Variants in EPHA6 observed in about 807,000 individuals in gnomAD.
EPHA6 encodes ephrin type-A receptor 6.
Under a neutral mutation model 112.0 loss-of-function variants are expected in EPHA6, and 50 were observed. The ratio of observed to expected loss-of-function variants is 0.45; its 90% CI spans 0.36 to 0.56. EPHA6 has a LOEUF of 0.56. EPHA6 is among the 20% of genes least tolerant of loss of function. The pLI is 0.00. For synonymous variants in EPHA6, 529 were observed against 490.7 expected, an observed-to-expected ratio of 1.08 and a Z score of -1.03; for missense variants, 1,280 against 1,417.4, an observed-to-expected ratio of 0.90 and a Z score of 1.56.
At chr3:96,983,101 T>C (rs1332108380) in intron 2 of EPHA6, among the ~76,000 whole-genome samples, 5 of 152,176 alleles carry the variant, frequency 3.3e-5, no homozygotes, top group Non-Finnish European at 7.3e-5. Flanking sequence ...CATTATGATG[T>C]TAACTGGTTA....
At chr3:97,516,966 T>C (rs955766387) in intron 10 of EPHA6, among the ~76,000 whole-genome samples, 17 of 152,206 alleles carry the variant, frequency 1.1e-4, no homozygotes, top group African/African-American at 4.1e-4. Context: ...TACTAGGTGC[T>C]GTGGAAACAA....
At chr3:97,228,727 A>G (rs909782964) in intron 4 of EPHA6, among the ~76,000 whole-genome samples, 2 of 152,112 alleles carry the variant, frequency 1.3e-5, no homozygotes, top group African/African-American at 4.8e-5. Flanking sequence ...CTCTGGGTAG[A>G]TAGATACCTA....
intron 7 of EPHA6, among the ~76,000 whole-genome samples, chr3:97,456,279 G>A (rs1317395046): frequency 3.3e-5 from 5 of 151,992 alleles, no homozygotes; most frequent in Non-Finnish European, 5.9e-5. Context: ...TGTGTATGCT[G>A]TGTGAATTTG....
intron 3 of EPHA6, among the ~76,000 whole-genome samples, chr3:97,048,963 T>C (rs1327272308): frequency 6.6e-6 from 1 of 152,154 alleles, no homozygotes; most frequent in Admixed American, 6.6e-5. Context: ...GATATTTAAG[T>C]AAAGACACGA....
At chr3:97,644,601 G>A (rs1257581051) in intron 14 of EPHA6, among the ~76,000 whole-genome samples, 1 of 151,870 alleles carries the variant, frequency 6.6e-6, no homozygotes, top group Non-Finnish European at 1.5e-5. Context: ...AATGATAAAG[G>A]GGATATCACC....
At chr3:97,338,080 T>TTG (rs370620361) in intron 5 of EPHA6, among the ~76,000 whole-genome samples, 23 of 151,816 alleles carry the variant, frequency 1.5e-4, no homozygotes, top group South Asian at 2.1e-4. Flanking sequence ...CAGATAATGG[T>TTG]TGTGTGTGTG....
intron 14 of EPHA6, among the ~76,000 whole-genome samples, chr3:97,719,408 G>T (rs2034412021): frequency 6.6e-6 from 1 of 151,956 alleles, no homozygotes; most frequent in African/African-American, 2.4e-5. Context: ...GTGGCGCTAG[G>T]GCTGCTTTCG....
At chr3:97,234,233 G>C (rs1378096049) in intron 4 of EPHA6, among the ~76,000 whole-genome samples, 1 of 151,928 alleles carries the variant, frequency 6.6e-6, no homozygotes, top group Non-Finnish European at 1.5e-5. Flanking sequence ...GGCCTAGCTG[G>C]TTTTGTTTAT....
At chr3:97,290,839 CTT>C (rs1444770824) in intron 5 of EPHA6, among the ~76,000 whole-genome samples, 1 of 151,260 alleles carries the variant, frequency 6.6e-6, no homozygotes, top group Non-Finnish European at 1.5e-5. Flanking sequence ...AAAAAAATAA[CTT>C]TTTGTTTTGC....
intron 3 of EPHA6, among the ~76,000 whole-genome samples, chr3:97,049,838 G>A (rs529520924): frequency 1.3e-5 from 2 of 152,150 alleles, no homozygotes; most frequent in East Asian, 1.9e-4. Flanking sequence ...TCACCCTTGA[G>A]GGGAGATATT....
chr3:96,938,905 C>A (rs1284016854), intron 2 of EPHA6, among the ~76,000 whole-genome samples: 1 of 152,102 alleles, frequency 6.6e-6, no homozygotes, highest in African/African-American at 2.4e-5. Context: ...TGCTGGATTA[C>A]ATTTATTGAT....
chr3:97,477,633 C>T (rs2091413183), intron 8 of EPHA6, among the ~76,000 whole-genome samples: 1 of 152,082 alleles, frequency 6.6e-6, no homozygotes, highest in Non-Finnish European at 1.5e-5. Flanking sequence ...ATCAAATTGC[C>T]ACTACTTTAG....
chr3:97,503,507 G>T (rs1329889817), intron 10 of EPHA6, among the ~76,000 whole-genome samples: 1 of 152,084 alleles, frequency 6.6e-6, no homozygotes, highest in Non-Finnish European at 1.5e-5. Context: ...AAAACACAAA[G>T]CATGCACCAA....
intron 10 of EPHA6, among the ~76,000 whole-genome samples, chr3:97,523,078 C>T (rs1217970735): frequency 2.0e-5 from 3 of 151,930 alleles, no homozygotes; most frequent in Non-Finnish European, 4.4e-5. Flanking sequence ...TAACTTCATG[C>T]TTTGTTTGTT....
intron 10 of EPHA6, among the ~76,000 whole-genome samples, chr3:97,512,101 A>C (rs2092374923): frequency 6.6e-6 from 1 of 152,206 alleles, no homozygotes; most frequent in Non-Finnish European, 1.5e-5. Flanking sequence ...TACCTAAAAT[A>C]ATAAGGTTTA....
intron 14 of EPHA6, among the ~76,000 whole-genome samples, chr3:97,643,146 TAA>T (rs2107581642): frequency 6.6e-6 from 1 of 151,876 alleles, no homozygotes; most frequent in African/African-American, 2.4e-5. Context: ...TCAACATTCT[TAA>T]AGAAAAGAAT....
chr3:96,856,827 G>C (rs1184880535), intron 1 of EPHA6, among the ~76,000 whole-genome samples: 1 of 152,070 alleles, frequency 6.6e-6, no homozygotes, highest in African/African-American at 2.4e-5. Flanking sequence ...TTTACCTGCA[G>C]GGAAGGAGGT....
chr3:97,262,570 A>G (rs2079540085), intron 5 of EPHA6, among the ~76,000 whole-genome samples: 1 of 152,164 alleles, frequency 6.6e-6, no homozygotes, highest in African/African-American at 2.4e-5. Flanking sequence ...CAGTTGCCCA[A>G]ACACTCCAGA....
chr3:97,001,779 AG>A lies in EPHA6; in HGVS notation c.1114+13787del, dbSNP rs542059773. On this transcript the variant is annotated intron_variant, in intron 3 of 17. Transcript: ENST00000389672. The stretch of plus-strand genomic sequence containing the variant: ...GTATACAAGGACTATCAGCATGAAA[AG>A]AAGCATGCTGTACCAAAAATAGATG... Among the ~76,000 whole-genome samples the A allele has an allele frequency of 3.0e-3, 463 of 152,142 alleles. 6 individuals carry two copies. The highest frequency in any genetic ancestry group is 0.011 in the African/African-American group (443 of 41,560).
Sources: allele counts gnomAD v4.1 joint callset (sites outside exome capture counted in the v4.1 genomes callset), GRCh38; gene constraint gnomAD v4.1.1; transcripts MANE v1.5; gene names NCBI Gene and HGNC (gene_info 2026-07-23, HGNC 2026-07-21).